NHLRC2: variants seen among roughly 807,000 people sequenced by gnomAD.
NHLRC2 encodes the protein NHL repeat containing 2, also known as NHL repeat-containing protein 2.
NHLRC2 carries 33 observed loss-of-function variants against 68.1 expected under a neutral mutation model. The ratio of observed to expected loss-of-function variants is 0.48; its 90% CI spans 0.37 to 0.65. NHLRC2 has a LOEUF of 0.65. NHLRC2 is among the 30% of genes least tolerant of loss of function. The pLI, the probability that NHLRC2 is intolerant of heterozygous loss-of-function variation, is 0.00. For missense variants in NHLRC2, 761 were observed against 853.8 expected (o/e 0.89, Z 1.35); for synonymous variants, 311 against 309.6 (o/e 1.00, Z -0.05).
At chr10:113,855,111 G>A in intron 1 of NHLRC2, 61 bp downstream of exon 1, 2 of 1,425,232 alleles carry the variant, frequency 1.4e-6, no homozygotes, top group Non-Finnish European at 1.9e-6. Context: ...CGGGGACGGC[G>A]CCCTCCCGCG....
In NHLRC2 at chr10:113,854,807, C is replaced by A; in HGVS notation, c.-66C>A. The stretch of plus-strand genomic sequence containing the variant: ...CGTTTGGAAACCACAGGACAGTGAA[C>A]GTTTCGTCTCTCCCAGCGAGACTCT... On this transcript the variant is annotated 5_prime_UTR_variant, in exon 1 of 11. Transcript: ENST00000369301. The A allele has an allele frequency of 2.2e-6, 3 of 1,376,910 alleles. No homozygotes were observed. The highest frequency in any genetic ancestry group is 2.9e-6 in the Non-Finnish European group (3 of 1,017,796). 85.3% of individuals were successfully genotyped at this position (1,376,910 alleles called of 1,614,324 possible).
chr10:113,905,128 G>C (rs1249014282), intron 10 of NHLRC2, 92 bp downstream of exon 10: 6 of 616,424 alleles, frequency 9.7e-6, no homozygotes, highest in Non-Finnish European at 1.3e-5. Context: ...TTTTTACTCT[G>C]TATAGGCAAG....
Position 113,913,780 on chromosome 10 carries a change from G to A in NHLRC2, c.*5244G>A, listed in dbSNP as rs1421018465. 1.3e-5 allele frequency: 2 copies of A among 150,698 alleles called. No individual in the cohort carries two copies. Among genetic ancestry groups the A allele is most frequent in the East Asian group, 3.9e-4 (2 of 5,164 alleles). The allele number at this position is 150,698 out of a possible 1,614,324, so 9.3% of individuals were successfully genotyped here. The stretch of plus-strand genomic sequence containing the variant: ...CTCAAATATTAATATATGCAATTCT[G>A]TTACAGTAAAGTTTTCACCATGGTC... On this transcript the variant is annotated 3_prime_UTR_variant, in exon 11 of 11. Transcript: ENST00000369301.
intron 2 of NHLRC2, among the ~76,000 whole-genome samples, chr10:113,866,732 GCCCGCCTC>G (rs970165114): frequency 6.6e-6 from 1 of 151,628 alleles, no homozygotes; most frequent in African/African-American, 2.4e-5. Context: ...AACCTCGCCT[GCCCGCCTC>G]CCCGCCTCCA....
chr10:113,860,282 G>A (rs1845802813), intron 2 of NHLRC2, among the ~76,000 whole-genome samples: 1 of 152,102 alleles, frequency 6.6e-6, no homozygotes, highest in African/African-American at 2.4e-5. Context: ...ACTATTTGGT[G>A]AACTCATGGT....
chr10:113,876,400 A>G (rs1845980365), intron 2 of NHLRC2, 121 bp from the exon 3 acceptor site: 2 of 557,556 alleles, frequency 3.6e-6, no homozygotes, highest in East Asian at 5.9e-5. Flanking sequence ...GCGTAGTTCT[A>G]CTTTTCGTTT....
intron 6 of NHLRC2, among the ~76,000 whole-genome samples, chr10:113,898,582 A>C (rs1846200979): frequency 6.6e-6 from 1 of 152,166 alleles, no homozygotes; most frequent in Admixed American, 6.5e-5. Flanking sequence ...TTAGGGCCAC[A>C]CTTCACTTCA....
intron 5 of NHLRC2, among the ~76,000 whole-genome samples, chr10:113,887,594 G>A (rs1846093515): frequency 6.6e-6 from 1 of 151,806 alleles, no homozygotes; most frequent in Non-Finnish European, 1.5e-5. Flanking sequence ...ACGTGGTGAA[G>A]CCCCGTCTAT....
chr10:113,905,508 G>A (rs1846268194), intron 10 of NHLRC2, among the ~76,000 whole-genome samples: 1 of 152,026 alleles, frequency 6.6e-6, no homozygotes, highest in African/African-American at 2.4e-5. Flanking sequence ...ATTAATCTAT[G>A]GTAAGGAATC....
rs533205190 is a variant in NHLRC2 at position 113,910,868 on chromosome 10, G to A, written c.*2332G>A. On this transcript the variant is annotated 3_prime_UTR_variant, in exon 11 of 11. Transcript: ENST00000369301. ...TTCTTACCCACTGCCAGTCTGCATTGTTTTTTACATTAAAAGTATTATTTA... is the reference window on the plus strand; with the variant it reads ...TTCTTACCCACTGCCAGTCTGCATTATTTTTTACATTAAAAGTATTATTTA... The A allele has an allele frequency of 1.3e-5, 2 of 152,022 alleles. No individual in the cohort carries two copies. Among genetic ancestry groups the A allele is most frequent in the East Asian group, 3.9e-4 (2 of 5,174 alleles). The allele number at this position is 152,022 out of a possible 1,614,324, so 9.4% of individuals were successfully genotyped here.
intron 10 of NHLRC2, among the ~76,000 whole-genome samples, chr10:113,907,202 T>C: frequency 6.6e-6 from 1 of 152,230 alleles, no homozygotes; most frequent in East Asian, 1.9e-4. Flanking sequence ...ATTTGACATA[T>C]TTTTCTCAAA....
At position 113,915,134 on chromosome 10, in the gene NHLRC2, G is replaced by C. The variant is rs779986972; in HGVS notation, c.*6598G>C. 4.4e-6 allele frequency: 2 copies of C among 456,194 alleles called. No individual in the cohort carries two copies. The highest frequency in any genetic ancestry group is 8.8e-6 in the Non-Finnish European group (2 of 226,984). 28.3% of individuals were successfully genotyped at this position (456,194 alleles called of 1,614,324 possible). The stretch of plus-strand genomic sequence containing the variant: ...GACACTTGCTGTGGAATGTTTGCCT[G>C]GTTGTATTGGTGTGTCCCTCTTCTT... On this transcript the variant is annotated 3_prime_UTR_variant, in exon 11 of 11. Coordinates refer to ENST00000369301, the MANE Select transcript of NHLRC2 (RefSeq NM_198514.4).
intron 2 of NHLRC2, among the ~76,000 whole-genome samples, chr10:113,871,613 G>C (rs1845926224): frequency 6.6e-6 from 1 of 152,044 alleles, no homozygotes; most frequent in Non-Finnish European, 1.5e-5. Context: ...CCAGTTTCTG[G>C]TTTTATACTT....
rs970778259 is a variant in NHLRC2, at chr10:113,882,008, G to A, written c.910-2243G>A. Among the ~76,000 whole-genome samples, 7 of 151,846 alleles carry A rather than the reference G, an allele frequency of 4.6e-5. No individual in the cohort carries two copies. The East Asian group carries it at 1.4e-3, about 29-fold the overall frequency. On this transcript the variant is annotated intron_variant, in intron 4 of 10. Transcript: ENST00000369301. ...TAATGAAAAGTTCATGTGTGAAGTA[G>A]CATTTCAGTAGTTCATTCCTTTGTA...
chr10:113,870,174 T>TA (rs1226570913), intron 2 of NHLRC2, among the ~76,000 whole-genome samples: 20 of 152,216 alleles, frequency 1.3e-4, no homozygotes, highest in Non-Finnish European at 1.0e-4. Flanking sequence ...GTTATTCATC[T>TA]AAAGTATCGT....
At chr10:113,866,288 T>C (rs1412589677) in intron 2 of NHLRC2, among the ~76,000 whole-genome samples, 2 of 152,242 alleles carry the variant, frequency 1.3e-5, no homozygotes, top group Non-Finnish European at 2.9e-5. Flanking sequence ...GCCCTAAGAT[T>C]GTTATTAATT....
intron 5 of NHLRC2, among the ~76,000 whole-genome samples, chr10:113,893,182 A>C (rs1297444265): frequency 2.0e-5 from 3 of 152,176 alleles, no homozygotes; most frequent in Non-Finnish European, 4.4e-5. Flanking sequence ...GGCTGTGGGT[A>C]CATTTAATCA....
At chr10:113,856,391 A>T (rs1234507039) in intron 1 of NHLRC2, among the ~76,000 whole-genome samples, 1 of 152,316 alleles carries the variant, frequency 6.6e-6, no homozygotes, top group South Asian at 2.1e-4. Flanking sequence ...ACTCACCTTG[A>T]GAAGTGCTTA....
intron 10 of NHLRC2, among the ~76,000 whole-genome samples, chr10:113,906,986 C>G (rs1050171641): frequency 2.0e-5 from 3 of 152,084 alleles, no homozygotes; most frequent in Admixed American, 6.5e-5. Context: ...GACTCCGTCT[C>G]AAAAAATAAT....
Sources: allele counts gnomAD v4.1 joint callset (sites outside exome capture counted in the v4.1 genomes callset), GRCh38; gene constraint gnomAD v4.1.1; transcripts MANE v1.5; gene names NCBI Gene and HGNC (gene_info 2026-07-23, HGNC 2026-07-21).